The following STK31 variants were observed in gnomAD, a reference collection of about 807,000 sequenced individuals.
The protein encoded by STK31 is serine/threonine kinase 31, also known as serine/threonine-protein kinase 31.
A neutral mutation model predicts 129.7 loss-of-function variants in STK31; 89 were observed. The ratio of observed to expected loss-of-function variants is 0.69; its 90% CI spans 0.58 to 0.82. The LOEUF is 0.82. Ranked by LOEUF, STK31 falls within the 40% of genes least tolerant of loss-of-function variation. The probability of loss-of-function intolerance (pLI) is 0.00; values close to 1 mark genes in which losing one functional copy is unlikely to be tolerated. For synonymous variants in STK31, 448 were observed against 395.3 expected (o/e 1.13, Z -1.58); for missense variants, 1,187 against 1,176.4 (o/e 1.01, Z -0.13).
chr7:23,780,366 A>T (rs1584434325), intron 15 of STK31, among the ~76,000 whole-genome samples: 1 of 152,186 alleles, frequency 6.6e-6, no homozygotes, highest in South Asian at 2.1e-4. Flanking sequence ...CAATTTAGAA[A>T]GTTTGTTTTG....
chr7:23,775,597 A>C (rs1304826708), intron 15 of STK31, among the ~76,000 whole-genome samples: 1 of 152,184 alleles, frequency 6.6e-6, no homozygotes, highest in Non-Finnish European at 1.5e-5. Context: ...AGCAATTGTG[A>C]ATGGGAGTTC....
Position 23,710,295 on chromosome 7 carries a change from C to G in STK31, c.10C>G (p.Gln4Glu). Reference protein sequence around the residue: MWVQGHSSRASATE... With the variant: MWVEGHSSRASATE... ...GGGCCGAAAGTCCAGTATGTGGGTC[C>G]AGGGTCACTCTTCTAGAGCTTCCGC... Residue 4 changes from glutamine to glutamate, a missense_variant, in exon 1 of 24, where the codon CAG becomes GAG. Physicochemically the swap from Gln to Glu is conservative, Grantham distance 29. Coordinates refer to ENST00000355870, the MANE Select transcript of STK31 (RefSeq NM_031414.5). The G allele has an allele frequency of 6.2e-7, 1 of 1,612,958 alleles. No individual in the cohort carries two copies. The highest frequency in any genetic ancestry group is 2.2e-5 in the East Asian group (1 of 44,878).
Position 23,772,127 on chromosome 7 carries a change from C to T in STK31, c.1834-20C>T, listed in dbSNP as rs372714443. ...TACTTTTCTTATGTGTTTGAAAATA[C>T]GTAACTTTTGTTTACTTAGTTTAAA... On this transcript the variant is annotated intron_variant, in intron 14 of 23. Coordinates refer to ENST00000355870, the MANE Select transcript of STK31 (RefSeq NM_031414.5). The T allele has an allele frequency of 9.3e-5, 140 of 1,505,530 alleles. No homozygotes were observed. Among genetic ancestry groups the T allele is most frequent in the South Asian group, 5.8e-4 (46 of 79,364 alleles). 93.3% of individuals were successfully genotyped at this position (1,505,530 alleles called of 1,614,324 possible). A position where few individuals can be genotyped will look rare whatever the true frequency, so the allele number is the denominator to read the frequency against.
intron 11 of STK31, among the ~76,000 whole-genome samples, chr7:23,768,031 TA>T (rs1789942000): frequency 6.6e-6 from 1 of 152,098 alleles, no homozygotes; most frequent in Non-Finnish European, 1.5e-5. Context: ...TTGTTACTGT[TA>T]TTTTTTTTTT....
intron 1 of STK31, among the ~76,000 whole-genome samples, chr7:23,711,568 G>T (rs1288483749): frequency 6.6e-6 from 1 of 152,006 alleles, no homozygotes; most frequent in East Asian, 1.9e-4. Context: ...ATTTGATAAA[G>T]TATAATATTA....
chr7:23,802,736 A>G (rs1792458402), intron 22 of STK31, among the ~76,000 whole-genome samples: 1 of 152,010 alleles, frequency 6.6e-6, no homozygotes, highest in Non-Finnish European at 1.5e-5. Context: ...CTGGTCTCGA[A>G]CTCCTGACCT....
At chr7:23,765,384 G>A (rs1331987184) in intron 11 of STK31, among the ~76,000 whole-genome samples, 1 of 151,912 alleles carries the variant, frequency 6.6e-6, no homozygotes, top group Non-Finnish European at 1.5e-5. Flanking sequence ...TTGTATTCAC[G>A]TTTTGAAATA....
chr7:23,743,795 T>G (rs1338871704), intron 8 of STK31, among the ~76,000 whole-genome samples: 1 of 152,128 alleles, frequency 6.6e-6, no homozygotes, highest in Non-Finnish European at 1.5e-5. Context: ...TGGTGTCTCA[T>G]ATGTCTTGTA....
intron 11 of STK31, among the ~76,000 whole-genome samples, chr7:23,766,132 G>T (rs1789809243): frequency 6.6e-6 from 1 of 151,866 alleles, no homozygotes; most frequent in East Asian, 1.9e-4. Flanking sequence ...CGAGTTATTT[G>T]ATATTTCAGG....
chr7:23,759,754 T>C lies in STK31; in HGVS notation c.1294-3047T>C, dbSNP rs970430334. ...CATTATTTATGGTAAGTATAACTTA[T>C]GATTGTCAAACTGCATCTGTACTGG... On this transcript the variant is annotated intron_variant, in intron 10 of 23. Transcript: ENST00000355870. Among the ~76,000 whole-genome samples, 4 of 152,358 alleles carry C rather than the reference T, an allele frequency of 2.6e-5. No individual in the cohort carries two copies. The South Asian group carries it at 6.2e-4, about 24-fold the overall frequency.
intron 4 of STK31, among the ~76,000 whole-genome samples, chr7:23,723,904 C>T (rs1231237664): frequency 1.3e-5 from 2 of 152,138 alleles, no homozygotes; most frequent in Non-Finnish European, 2.9e-5. Flanking sequence ...ATTAAGAGTC[C>T]TTTATTTAAG....
intron 23 of STK31, among the ~76,000 whole-genome samples, chr7:23,828,559 C>T (rs567146477): frequency 9.2e-5 from 14 of 152,344 alleles, no homozygotes; most frequent in East Asian, 5.8e-4. Flanking sequence ...GGCGATGCCT[C>T]GCCCTGCTTC....
chr7:23,816,449 A>G (rs1793478420), intron 23 of STK31, among the ~76,000 whole-genome samples: 1 of 152,236 alleles, frequency 6.6e-6, no homozygotes, highest in Non-Finnish European at 1.5e-5. Flanking sequence ...ATCTGGACAC[A>G]GCTTATTTGG....
At chr7:23,750,197 G>C (rs1788631406) in intron 8 of STK31, among the ~76,000 whole-genome samples, 1 of 151,838 alleles carries the variant, frequency 6.6e-6, no homozygotes, top group Admixed American at 6.6e-5. Context: ...CCCCATGACT[G>C]GATGCCCCTG....
intron 22 of STK31, among the ~76,000 whole-genome samples, chr7:23,811,857 G>C (rs1179476074): frequency 6.6e-6 from 1 of 152,152 alleles, no homozygotes; most frequent in Non-Finnish European, 1.5e-5. Flanking sequence ...TCACCATTTT[G>C]AGTGAAGTAT....
chr7:23,789,880 T>G (rs1178895118), intron 21 of STK31, among the ~76,000 whole-genome samples: 1 of 152,174 alleles, frequency 6.6e-6, no homozygotes, highest in African/African-American at 2.4e-5. Context: ...GAAATATTGA[T>G]CAAACTCACC....
intron 6 of STK31, 83 bp from the exon 7 acceptor site, chr7:23,735,452 TATG>T (rs891660988): frequency 4.2e-6 from 5 of 1,200,096 alleles, no homozygotes; most frequent in African/African-American, 3.1e-5. Context: ...AATGAAGAAA[TATG>T]ATGCTTGGAA....
intron 4 of STK31, chr7:23,721,348 C>T: frequency 1.3e-6 from 1 of 762,550 alleles, no homozygotes; most frequent in Non-Finnish European, 2.3e-6. Flanking sequence ...TTTAAAGATT[C>T]AGGAAGGGGC....
intron 15 of STK31, among the ~76,000 whole-genome samples, chr7:23,779,092 T>C (rs1165382772): frequency 6.6e-6 from 1 of 152,182 alleles, no homozygotes; most frequent in Admixed American, 6.5e-5. Flanking sequence ...TAACAGTCAG[T>C]CCCCTCTGCT....
Sources: gnomAD v4.1 joint callset for allele counts (sites outside exome capture counted in the v4.1 genomes callset) on GRCh38, gnomAD v4.1.1 for gene constraint, MANE v1.5 for transcripts, NCBI Gene and HGNC (gene_info 2026-07-23, HGNC 2026-07-21) for gene names.